The following ITPR2 variants were observed in gnomAD, a reference collection of about 807,000 sequenced individuals.
ITPR2 encodes the protein inositol 1,4,5-trisphosphate receptor type 2, also known as inositol 1,4,5-trisphosphate-gated calcium channel ITPR2.
A neutral mutation model predicts 317.1 loss-of-function variants in ITPR2; 207 were observed. That is an observed-to-expected ratio of 0.65 (90% CI 0.58 to 0.73). The LOEUF (loss-of-function observed/expected upper bound fraction) is 0.73, where lower values mean the gene tolerates loss of function less well. ITPR2 is among the 30% of genes least tolerant of loss of function. The pLI is 0.00. For missense variants in ITPR2, 2,613 were observed against 3,284.0 expected, an observed-to-expected ratio of 0.80 and a Z score of 4.99; for synonymous variants, 1,156 against 1,149.1, an observed-to-expected ratio of 1.01 and a Z score of -0.12.
At chr12:26,535,345 G>C (rs1344034178) in intron 37 of ITPR2, among the ~76,000 whole-genome samples, 1 of 152,130 alleles carries the variant, frequency 6.6e-6, no homozygotes, top group Non-Finnish European at 1.5e-5. Context: ...GTACGGTCGA[G>C]GTCACAGAAG....
intron 2 of ITPR2, among the ~76,000 whole-genome samples, chr12:26,779,709 G>A (rs771155292): frequency 6.6e-6 from 1 of 152,228 alleles, no homozygotes; most frequent in Non-Finnish European, 1.5e-5. Context: ...CCATGAAGGA[G>A]AGCAGTGAAG....
At chr12:26,463,501 A>C (rs1452424037) in intron 45 of ITPR2, among the ~76,000 whole-genome samples, 1 of 152,058 alleles carries the variant, frequency 6.6e-6, no homozygotes, top group Non-Finnish European at 1.5e-5. Flanking sequence ...ACCCGTCTCT[A>C]CTAAAAACAC....
chr12:26,707,915 A>G (rs968425217), intron 9 of ITPR2, among the ~76,000 whole-genome samples: 2 of 152,156 alleles, frequency 1.3e-5, no homozygotes, highest in Non-Finnish European at 1.5e-5. Flanking sequence ...AAAATTAATA[A>G]TCTGATTTAA....
At chr12:26,674,839 C>T (rs1053564942) in intron 13 of ITPR2, among the ~76,000 whole-genome samples, 3 of 151,820 alleles carry the variant, frequency 2.0e-5, no homozygotes, top group Non-Finnish European at 4.4e-5. Flanking sequence ...TGAACTCCAA[C>T]AAATTTACAA....
chr12:26,677,471 G>A (rs1180078487), intron 13 of ITPR2, among the ~76,000 whole-genome samples: 1 of 151,934 alleles, frequency 6.6e-6, no homozygotes, highest in Admixed American at 6.6e-5. Flanking sequence ...GTGGTGGCAC[G>A]TGCCTGTGTT....
intron 21 of ITPR2, among the ~76,000 whole-genome samples, chr12:26,641,597 G>A (rs1028793401): frequency 6.6e-6 from 1 of 152,178 alleles, no homozygotes. Context: ...CATAATATCC[G>A]ACACGCTGGA....
intron 52 of ITPR2, among the ~76,000 whole-genome samples, chr12:26,408,287 C>T (rs1940422202): frequency 6.6e-6 from 1 of 152,142 alleles, no homozygotes; most frequent in Admixed American, 6.5e-5. Context: ...ATACACAAGG[C>T]TTTTATTATA....
chr12:26,493,973 A>T (rs1942870910), intron 39 of ITPR2, 180 bp downstream of exon 39: 1 of 497,460 alleles, frequency 2.0e-6, no homozygotes, highest in Non-Finnish European at 3.5e-6. Flanking sequence ...GACTGAATAA[A>T]TTGTGAAGCT....
chr12:26,375,917 G>A (rs949357012), intron 55 of ITPR2, among the ~76,000 whole-genome samples: 2 of 152,138 alleles, frequency 1.3e-5, no homozygotes, highest in African/African-American at 4.8e-5. Flanking sequence ...TGGGCAACAT[G>A]GAAAAACCCC....
intron 37 of ITPR2, among the ~76,000 whole-genome samples, chr12:26,533,992 AT>A (rs1229489404): frequency 6.6e-6 from 1 of 152,186 alleles, no homozygotes; most frequent in African/African-American, 2.4e-5. Context: ...GACTAGAACT[AT>A]ACAAGTCAGC....
chr12:26,523,559 T>C (rs986137403), intron 37 of ITPR2, among the ~76,000 whole-genome samples: 4 of 152,026 alleles, frequency 2.6e-5, no homozygotes, highest in African/African-American at 9.7e-5. Flanking sequence ...GCTAACTGTC[T>C]GTAAGAAAAC....
At chr12:26,578,607 G>A (rs752906355) in intron 34 of ITPR2, 106 bp downstream of exon 34, 152 of 976,250 alleles carry the variant, frequency 1.6e-4, no homozygotes, top group Non-Finnish European at 2.2e-4. Context: ...AAAACATACT[G>A]GTTTTCTTAA....
chr12:26,507,893 GTA>G (rs1168202815), intron 37 of ITPR2, among the ~76,000 whole-genome samples: 3 of 151,478 alleles, frequency 2.0e-5, no homozygotes, highest in East Asian at 1.9e-4. Context: ...GTGTGTGTGT[GTA>G]TGTCAGTGTG....
intron 55 of ITPR2, among the ~76,000 whole-genome samples, chr12:26,380,798 T>C (rs1939487064): frequency 6.6e-6 from 1 of 152,180 alleles, no homozygotes. Flanking sequence ...CTCCAACAGT[T>C]ACTGCTCAAA....
At position 26,454,147 on chromosome 12, in the gene ITPR2, A is replaced by G. The variant is rs574167034; in HGVS notation, c.6343-10497T>C. On this transcript the variant is annotated intron_variant, in intron 45 of 56. Coordinates refer to ENST00000381340, the MANE Select transcript of ITPR2 (RefSeq NM_002223.4). The stretch of plus-strand genomic sequence containing the variant: ...TCTGAAATAAATTGAGTTTTTAGAA[A>G]ATGATGAATTACAATATTATATGTA... Among the ~76,000 whole-genome samples, 5 of 152,342 alleles carry G rather than the reference A, an allele frequency of 3.3e-5. No individual in the cohort carries two copies. The East Asian group carries it at 9.6e-4, about 29-fold the overall frequency.
At chr12:26,727,111 T>A (rs1157972828) in intron 2 of ITPR2, among the ~76,000 whole-genome samples, 2 of 152,200 alleles carry the variant, frequency 1.3e-5, no homozygotes, top group Non-Finnish European at 2.9e-5. Context: ...AGCACGTGTG[T>A]GACCAAAGAC....
At chr12:26,745,526 TGAA>T (rs1370293168) in intron 2 of ITPR2, among the ~76,000 whole-genome samples, 13 of 152,346 alleles carry the variant, frequency 8.5e-5, no homozygotes, top group African/African-American at 3.1e-4. Flanking sequence ...TTTCATTGTT[TGAA>T]GAAGCACGCT....
In ITPR2 at chr12:26,831,375, C is replaced by T. The variant is rs11048705; in HGVS notation, c.92+1315G>A. ...TACTGGTGACTTCCACGTCCCAGTGCTTGGTAGGCAGCAGTCCGTTATAAC... is the reference window on the plus strand; with the variant it reads ...TACTGGTGACTTCCACGTCCCAGTGTTTGGTAGGCAGCAGTCCGTTATAAC... On this transcript the variant is annotated intron_variant, in intron 1 of 56. Coordinates refer to ENST00000381340, the MANE Select transcript of ITPR2 (RefSeq NM_002223.4). The surrounding 1 kb of genome is among the most constrained non-coding windows in gnomAD (Gnocchi z 4.9). Among the ~76,000 whole-genome samples the T allele has an allele frequency of 0.16, 24,407 of 152,136 alleles. 2,322 individuals are homozygous for T. Among genetic ancestry groups the T allele is most frequent in the East Asian group, 0.22 (1,131 of 5,174 alleles).
rs776688588 is a variant in ITPR2 at position 26,628,034 on chromosome 12, T to C, written c.3063A>G (p.Ser1021=). The change falls in exon 23 of 57, where the codon TCA becomes TCG. Residue 1021 remains serine, a splice_region_variant and synonymous_variant. Transcript: ENST00000381340. ...GTAAATACTGTCACAAAAAGATACCTGATGGTAGTAAAGTGTCTGGAGATC... is the reference window on the plus strand; with the variant it reads ...GTAAATACTGTCACAAAAAGATACCCGATGGTAGTAAAGTGTCTGGAGATC... ...ASGSPDTLLP[S]AIVPDIDEIA... 1.9e-6 allele frequency: 3 copies of C among 1,604,272 alleles called. No homozygotes were observed. The South Asian group carries it at 3.4e-5, about 18-fold the overall frequency.
Sources: gnomAD v4.1 joint callset for allele counts (sites outside exome capture counted in the v4.1 genomes callset) on GRCh38, gnomAD v4.1.1 for gene constraint, Gnocchi (gnomAD v3.1) non-coding constraint, MANE v1.5 for transcripts, NCBI Gene and HGNC (gene_info 2026-07-23, HGNC 2026-07-21) for gene names.